Variants in ERAP2 observed in about 807,000 individuals in gnomAD.
ERAP2 encodes the protein leukocyte-derived arginine aminopeptidase.
Under a neutral mutation model 111.1 loss-of-function variants are expected in ERAP2, and 118 were observed. That is an observed-to-expected ratio of 1.06 (90% CI 0.92 to 1.24). The LOEUF is 1.24. Ranked by LOEUF, ERAP2 falls within the 50% of genes most tolerant of loss-of-function variation. The pLI is 0.00. For synonymous variants in ERAP2, 410 were observed against 401.2 expected (o/e 1.02, Z -0.26); for missense variants, 1,131 against 1,125.8 (o/e 1.00, Z -0.07).
chr5:96,905,940 T>C (rs1163449606), intron 13 of ERAP2, among the ~76,000 whole-genome samples: 1 of 119,328 alleles, frequency 8.4e-6, no homozygotes, highest in Non-Finnish European at 1.7e-5. Flanking sequence ...TTTTTTTCTT[T>C]TTAATTTTTT....
intron 13 of ERAP2, among the ~76,000 whole-genome samples, chr5:96,903,882 G>A (rs1785753745): frequency 6.6e-6 from 1 of 152,252 alleles, no homozygotes; most frequent in South Asian, 2.1e-4. Flanking sequence ...AGTGCAGTGG[G>A]CCAAACTCTC....
chr5:96,892,161 A>G, intron 5 of ERAP2, 138 bp from the exon 6 acceptor site: 1 of 781,324 alleles, frequency 1.3e-6, no homozygotes, highest in Non-Finnish European at 2.1e-6. Flanking sequence ...ACACCCTGTC[A>G]ATGTTAAGAT....
Position 96,893,073 on chromosome 5 carries a change from T to C in ERAP2, c.1125+620T>C, listed in dbSNP as rs141017643. Among the ~76,000 whole-genome samples, 1,379 of 152,298 alleles carry C rather than the reference T, an allele frequency of 9.1e-3. 23 individuals are homozygous for C. The highest frequency in any genetic ancestry group is 0.031 in the African/African-American group (1,295 of 41,564). On this transcript the variant is annotated intron_variant, in intron 6 of 18. Coordinates refer to ENST00000437043, the MANE Select transcript of ERAP2 (RefSeq NM_022350.5). The stretch of plus-strand genomic sequence containing the variant: ...CTCAATAAGTATTAGTTATTAATGA[T>C]GATGACAACGGCCACTACAACTACA...
Position 96,879,752 on chromosome 5 carries a change from T to C in ERAP2, c.67T>C (p.Tyr23His). The part of the protein sequence containing the change: ...KPMFNIHRGF[Y>H]CLTAILPQIC... ...AATGTTTAACATTCACAGAGGATTT[T>C]ACTGCTTAACAGCCATCTTGCCCCA... Residue 23 changes from tyrosine to histidine, a missense_variant, in exon 2 of 19, where the codon TAC becomes CAC. Physicochemically the swap from Tyr to His is moderately conservative, Grantham distance 83 (BLOSUM62 2). Coordinates refer to ENST00000437043, the MANE Select transcript of ERAP2 (RefSeq NM_022350.5). 6.2e-7 allele frequency: 1 copy of C among 1,614,228 alleles called. No homozygotes were observed. The highest frequency in any genetic ancestry group is 1.1e-5 in the South Asian group (1 of 91,088).
chr5:96,916,019 G>A (rs1328376433), intron 18 of ERAP2, among the ~76,000 whole-genome samples: 2 of 152,046 alleles, frequency 1.3e-5, no homozygotes, highest in Non-Finnish European at 2.9e-5. Context: ...TCAGGAGTTC[G>A]AGACCAGCCT....
intron 2 of ERAP2, among the ~76,000 whole-genome samples, chr5:96,882,025 C>G (rs142672595): frequency 6.6e-6 from 1 of 152,172 alleles, no homozygotes; most frequent in Non-Finnish European, 1.5e-5. Flanking sequence ...CTGCTCTTCC[C>G]TTCCCCACTT....
chr5:96,914,324 T>A lies in ERAP2; in HGVS notation c.2657+867T>A, dbSNP rs570423311. ...CTGATATCATTAATTCCTAGTTCCT[T>A]CTCTTTCATTTCATAGCCGTGGAAG... On this transcript the variant is annotated intron_variant, in intron 17 of 18. Coordinates refer to ENST00000437043, the MANE Select transcript of ERAP2 (RefSeq NM_022350.5). Among the ~76,000 whole-genome samples the A allele has an allele frequency of 5.9e-5, 9 of 152,330 alleles. No individual in the cohort carries two copies. The South Asian group carries it at 1.7e-3, about 28-fold the overall frequency.
chr5:96,913,168 TAA>T (rs949973841), intron 16 of ERAP2, 147 bp from the exon 17 acceptor site: 5 of 628,572 alleles, frequency 8.0e-6, no homozygotes, highest in African/African-American at 7.6e-5. Flanking sequence ...TCTAAAAAAG[TAA>T]AAGTTTAATT....
rs1212589822 is a variant in ERAP2 at position 96,919,061 on chromosome 5, TAGAA to T, written c.*1460_*1463del. The T allele has an allele frequency of 2.0e-5, 3 of 152,224 alleles. No homozygotes were observed. In the East Asian group the frequency reaches 5.8e-4, roughly 29 times the overall value. 9.4% of individuals were successfully genotyped at this position (152,224 alleles called of 1,614,324 possible). ...ACAGTATAAAAATACAGATAAGTTT[TAGAA>T]AGACTCAAAACAATATGTAAATGAC... On this transcript the variant is annotated 3_prime_UTR_variant, in exon 19 of 19. Coordinates refer to ENST00000437043, the MANE Select transcript of ERAP2 (RefSeq NM_022350.5).
At chr5:96,911,866 CA>C (rs386358295) in intron 15 of ERAP2, among the ~76,000 whole-genome samples, 4,306 of 56,700 alleles carry the variant, frequency 0.076, 307 homozygotes, top group African/African-American at 0.2. Flanking sequence ...GACCCTGTCT[CA>C]AAAAAAAAAA....
At chr5:96,881,087 G>C (rs749001377) in intron 2 of ERAP2, 2 of 238,486 alleles carry the variant, frequency 8.4e-6, no homozygotes, top group Admixed American at 5.2e-5. Flanking sequence ...TGAGGAGAGC[G>C]AACAAGAGGG....
intron 18 of ERAP2, 93 bp from the exon 19 acceptor site, chr5:96,917,369 C>T: frequency 8.1e-7 from 1 of 1,239,480 alleles, no homozygotes; most frequent in Non-Finnish European, 1.1e-6. Flanking sequence ...GATCTGCCCA[C>T]CTTGGCCTCC....
At chr5:96,901,713 C>A (rs1351879369) in intron 11 of ERAP2, 32 bp downstream of exon 11, 1 of 1,599,544 alleles carries the variant, frequency 6.3e-7, no homozygotes, top group Non-Finnish European at 8.5e-7. Flanking sequence ...GTCTAGCTTA[C>A]CTCATCTCAG....
rs764675283 is a variant in ERAP2 at position 96,879,859 on chromosome 5, TG to T, written c.178del (p.Glu60AsnfsTer8). The T allele has an allele frequency of 6.2e-7, 1 of 1,614,204 alleles. No homozygotes were observed. The highest frequency in any genetic ancestry group is 1.1e-5 in the South Asian group (1 of 91,086). Reference protein sequence around the residue: ...DPGAFPVATNGERFPWQELRL... With the variant: ...DPGAFPVATNXERFPWQELRL... ...CTGGGGCTTTCCCAGTAGCCACTAATGGGGAACGATTTCCTTGGCAGGAGCT... is the reference window on the plus strand; with the variant it reads ...CTGGGGCTTTCCCAGTAGCCACTAATGGGAACGATTTCCTTGGCAGGAGCT... On this transcript the variant is annotated frameshift_variant, in exon 2 of 19. Coordinates refer to ENST00000437043, the MANE Select transcript of ERAP2 (RefSeq NM_022350.5). LOFTEE classifies it high-confidence loss of function.
chr5:96,894,322 G>T (rs1287622642), intron 6 of ERAP2, among the ~76,000 whole-genome samples: 1 of 152,188 alleles, frequency 6.6e-6, no homozygotes, highest in Non-Finnish European at 1.5e-5. Context: ...CCCTTCAGAA[G>T]ATTGCTGCCC....
chr5:96,900,255 A>C, intron 10 of ERAP2, 66 bp downstream of exon 10: 1 of 1,600,330 alleles, frequency 6.2e-7, no homozygotes. Flanking sequence ...AGTGAGTATG[A>C]CATACAGAGT....
At chr5:96,893,739 A>G (rs974594756) in intron 6 of ERAP2, among the ~76,000 whole-genome samples, 1 of 152,118 alleles carries the variant, frequency 6.6e-6, no homozygotes, top group Non-Finnish European at 1.5e-5. Context: ...CCATGTTAAC[A>G]TGTCACTCTG....
At chr5:96,909,816 G>A in intron 15 of ERAP2, 52 bp downstream of exon 15, 1 of 1,558,718 alleles carries the variant, frequency 6.4e-7, no homozygotes, top group African/African-American at 1.4e-5. Flanking sequence ...TGATGTAAAA[G>A]TCTTTGATCA....
chr5:96,917,493 A>G lies in ERAP2; in HGVS notation c.2771A>G (p.Gln924Arg). Residue 924 changes from glutamine to arginine, a missense_variant, in exon 19 of 19, where the codon CAA becomes CGA. Gln to Arg is a conservative substitution (Grantham distance 43, BLOSUM62 1). Transcript: ENST00000437043. ...VKLFFESLEAQGSHLDIFQTV... is the reference protein window; with the variant it reads ...VKLFFESLEARGSHLDIFQTV... ...CTATTTTTTGAATCTCTTGAGGCTC[A>G]AGGATCACATCTGGATATTTTTCAA... The G allele has an allele frequency of 6.2e-7, 1 of 1,613,212 alleles. No homozygotes were observed. Among genetic ancestry groups the G allele is most frequent in the Middle Eastern group, 1.7e-4 (1 of 6,056 alleles).
Sources: allele counts gnomAD v4.1 joint callset (sites outside exome capture counted in the v4.1 genomes callset), GRCh38; gene constraint gnomAD v4.1.1; transcripts MANE v1.5; gene names NCBI Gene and HGNC (gene_info 2026-07-23, HGNC 2026-07-21).